FAAP100: variants seen among roughly 807,000 people sequenced by gnomAD.
FAAP100 encodes FA core complex associated protein 100.
In FAAP100, 46 loss-of-function variants were observed where a neutral mutation model predicts 65.8. The ratio of observed to expected loss-of-function variants is 0.70; its 90% CI spans 0.55 to 0.89. FAAP100 has a LOEUF of 0.89. FAAP100 is among the 40% of genes least tolerant of loss of function. The probability of loss-of-function intolerance (pLI) is 0.00; values close to 1 mark genes in which losing one functional copy is unlikely to be tolerated. For synonymous variants in FAAP100, 663 were observed against 555.1 expected (o/e 1.19, Z -2.73); for missense variants, 1,165 against 1,196.7 (o/e 0.97, Z 0.39).
chr17:81,543,513 G>A (rs2033191951), intron 7 of FAAP100, among the ~76,000 whole-genome samples: 1 of 152,162 alleles, frequency 6.6e-6, no homozygotes, highest in Non-Finnish European at 1.5e-5. Flanking sequence ...TCTGGGCACA[G>A]CATGGAAGCA....
intron 6 of FAAP100, among the ~76,000 whole-genome samples, chr17:81,544,814 A>T (rs1215955145): frequency 6.6e-6 from 1 of 152,214 alleles, no homozygotes; most frequent in Non-Finnish European, 1.5e-5. Context: ...CCCCAGCATC[A>T]GGGCTGAAAG....
At chr17:81,543,588 G>T (rs1370512885) in intron 7 of FAAP100, among the ~76,000 whole-genome samples, 1 of 152,136 alleles carries the variant, frequency 6.6e-6, no homozygotes, top group Non-Finnish European at 1.5e-5. Context: ...CCACTCTCTT[G>T]GCAAAGATGT....
rs768272307 is a variant in FAAP100 at position 81,547,301 on chromosome 17, A to G, written c.1781T>C (p.Leu594Pro). 8 of 1,612,074 alleles carry G rather than the reference A, an allele frequency of 5.0e-6. No homozygotes were observed. The highest frequency in any genetic ancestry group is 1.1e-5 in the South Asian group (1 of 91,016). Residue 594 changes from leucine to proline, a missense_variant, in exon 5 of 9, where the codon CTG becomes CCG. Leu to Pro is a moderately conservative substitution (Grantham distance 98). Transcript: ENST00000327787. ...LGPGENGGLDLPVTVSCTLFY... is the reference protein window; with the variant it reads ...LGPGENGGLDPPVTVSCTLFY... ...CAGCGTGCAGGACACGGTCACGGGC[A>G]GGTCGAGCCCGCCGTTCTCACCAGG...
rs113231059 is a variant in FAAP100 at position 81,551,101 on chromosome 17, G to A, written c.393C>T (p.Cys131=). 2,517 of 1,560,170 alleles carry A rather than the reference G, an allele frequency of 1.6e-3. 16 individuals carry two copies. In the African/African-American group the frequency reaches 0.018, roughly 11 times the overall value. Residue 131 remains cysteine (C), a synonymous_variant, in exon 3 of 9, where the codon TGC becomes TGT. Coordinates refer to ENST00000327787, the MANE Select transcript of FAAP100 (RefSeq NM_025161.6). ...DACILPDAAL[C]AFTLLDSVLV... is the part of the protein sequence containing the mutation. ...GCACACTGTCCAGCAAGGTGAACGC[G>A]CACAGCGCAGCATCGGGAAGGATGC...
intron 4 of FAAP100, 168 bp from the exon 5 acceptor site, chr17:81,547,846 G>T (rs762281764): frequency 1.1e-6 from 1 of 881,072 alleles, no homozygotes; most frequent in Non-Finnish European, 1.8e-6. Flanking sequence ...TGTTTCTCCC[G>T]GCCCCACCCA....
In FAAP100 at chr17:81,550,759, G is replaced by T. The variant is rs576019204; in HGVS notation, c.735C>A (p.Leu245=). Reference sequence around the variant, plus strand: ...TCACACAGCAGAGCTGGCCATCAGGGAGACCACAGAGGACCACAGGTGACT... The same window carrying T: ...TCACACAGCAGAGCTGGCCATCAGGTAGACCACAGAGGACCACAGGTGACT... ...LLQSPVVLCG[L]PDGQLCCVIL... Residue 245 remains leucine (L), a synonymous_variant, in exon 3 of 9, where the codon CTC becomes CTA. Transcript: ENST00000327787. 3 of 1,612,248 alleles carry T rather than the reference G, an allele frequency of 1.9e-6. No individual in the cohort carries two copies. The highest frequency in any genetic ancestry group is 2.5e-6 in the Non-Finnish European group (3 of 1,179,610).
At chr17:81,551,860 C>A (rs1319082262) in intron 2 of FAAP100, 68 bp downstream of exon 2, 1 of 1,445,356 alleles carries the variant, frequency 6.9e-7, no homozygotes, top group East Asian at 2.9e-5. Context: ...TGAGGTGGGG[C>A]TGCTCGCTCT....
chr17:81,545,976 G>A, intron 5 of FAAP100, 94 bp from the exon 6 acceptor site: 3 of 1,452,064 alleles, frequency 2.1e-6, no homozygotes. Flanking sequence ...CTGCCCCAAA[G>A]TGCCCTTCCC....
intron 6 of FAAP100, among the ~76,000 whole-genome samples, chr17:81,544,724 T>C (rs1488865212): frequency 2.0e-5 from 3 of 152,152 alleles, no homozygotes; most frequent in African/African-American, 7.2e-5. Context: ...GCCAGGGGCC[T>C]GGGGAGCCCA....
At chr17:81,543,878 TG>T in intron 7 of FAAP100, 125 bp downstream of exon 7, 1 of 872,288 alleles carries the variant, frequency 1.1e-6, no homozygotes, top group Non-Finnish European at 1.8e-6. Flanking sequence ...AGAGCAGACT[TG>T]GATCTTCCTA....
chr17:81,547,249 G>A lies in FAAP100; in HGVS notation c.1833C>T (p.Gly611=), dbSNP rs201869841. 4.3e-5 allele frequency: 69 copies of A among 1,593,002 alleles called. 1 individual carries two copies. The highest frequency in any genetic ancestry group is 8.0e-5 in the African/African-American group (6 of 74,614). ...TLFYSLREVV[G]GALAPSDSED... is the part of the protein sequence containing the mutation. ...CAGAGTCTGAGGGGGCAAGGGCCCC[G>A]CCCACCACCTCCCTGAGACTGTAGA... Residue 611 remains glycine, a synonymous_variant, in exon 5 of 9, where the codon GGC becomes GGT. Transcript: ENST00000327787.
rs866123813 is a variant in FAAP100, at chr17:81,552,195, C to T, written c.136G>A (p.Val46Met). Reference sequence around the variant, plus strand: ...AGCAGCCCGCCCTCCTGGTCGTACACGTAGACGAGCTCGCTCCCGGTGGAC... The same window carrying T: ...AGCAGCCCGCCCTCCTGGTCGTACATGTAGACGAGCTCGCTCCCGGTGGAC... ...FLSTGSELVY[V>M]YDQEGGLLTA... The change falls in exon 1 of 9, where the codon GTG becomes ATG. Residue 46 changes from valine (V) to methionine (M), a missense_variant. Coordinates refer to ENST00000327787, the MANE Select transcript of FAAP100 (RefSeq NM_025161.6). 1.3e-6 allele frequency: 2 copies of T among 1,500,100 alleles called. No homozygotes were observed. The highest frequency in any genetic ancestry group is 1.5e-5 in the African/African-American group (1 of 68,868). The allele number at this position is 1,500,100 out of a possible 1,614,324, so 92.9% of individuals were successfully genotyped here.
chr17:81,549,102 G>A lies in FAAP100; in HGVS notation c.1403+104C>T, dbSNP rs992451733. The A allele has an allele frequency of 2.4e-5, 29 of 1,185,884 alleles. 1 individual carries two copies. The Middle Eastern group carries it at 6.5e-4, about 27-fold the overall frequency. The allele number at this position is 1,185,884 out of a possible 1,614,324, so 73.5% of individuals were successfully genotyped here. A position where few individuals can be genotyped will look rare whatever the true frequency, so the allele number is the denominator to read the frequency against. The stretch of plus-strand genomic sequence containing the variant: ...GCCAAGTAATGGCCTGGCCTGGACC[G>A]TTGCCACCCGAGGACACTCACACCC... On this transcript the variant is annotated intron_variant, in intron 4 of 8. Transcript: ENST00000327787.
intron 5 of FAAP100, among the ~76,000 whole-genome samples, chr17:81,546,222 G>A (rs1417268449): frequency 6.6e-6 from 1 of 152,246 alleles, no homozygotes. Flanking sequence ...AAACACCCCA[G>A]GGGATGGCTG....
At position 81,541,479 on chromosome 17, in the gene FAAP100, C is replaced by T. The variant is rs1369876296; in HGVS notation, c.2428-84G>A. 5.6e-6 allele frequency: 7 copies of T among 1,256,298 alleles called. No homozygotes were observed. The African/African-American group carries it at 8.8e-5, about 16-fold the overall frequency. The allele number at this position is 1,256,298 out of a possible 1,614,324, so 77.8% of individuals were successfully genotyped here. Reference sequence around the variant, plus strand: ...CTTGGAGCAGGGTGACCCTCTCCCTCGAGCTGCCTGGTGCTGCCTCCCTGC... The same window carrying T: ...CTTGGAGCAGGGTGACCCTCTCCCTTGAGCTGCCTGGTGCTGCCTCCCTGC... On this transcript the variant is annotated intron_variant, in intron 7 of 8. Transcript: ENST00000327787.
In FAAP100 at chr17:81,541,580, G is replaced by A. The variant is rs912372602; in HGVS notation, c.2428-185C>T. 5.9e-5 allele frequency among the ~76,000 whole-genome samples: 9 copies of A among 152,342 alleles called. No homozygotes were observed. In the South Asian group the frequency reaches 8.3e-4, roughly 14 times the overall value. Reference sequence around the variant, plus strand: ...ATCTCGACTTCCTGCCCTCCAGAGCGGCAGGGCACAGAGCCCCTGGCCTGA... The same window carrying A: ...ATCTCGACTTCCTGCCCTCCAGAGCAGCAGGGCACAGAGCCCCTGGCCTGA... On this transcript the variant is annotated intron_variant, in intron 7 of 8. Transcript: ENST00000327787.
At position 81,552,000 on chromosome 17, in the gene FAAP100, C is replaced by A. The variant is rs868637659; in HGVS notation, c.218G>T (p.Arg73Leu). Residue 73 changes from arginine to leucine, a missense_variant, in exon 2 of 9, where the codon CGC (arginine) becomes CTC (leucine). Coordinates refer to ENST00000327787, the MANE Select transcript of FAAP100 (RefSeq NM_025161.6). Reference sequence around the variant, plus strand: ...GGCGCACAGCGCGTACAGCAACCTGCGCGGCGCCAGCAGCTCCAGGTGCCA... The same window carrying A: ...GGCGCACAGCGCGTACAGCAACCTGAGCGGCGCCAGCAGCTCCAGGTGCCA... ...QVWHLELLAP[R>L]RLLYALCARR... is the part of the protein sequence containing the mutation. 2.6e-6 allele frequency: 4 copies of A among 1,564,942 alleles called. No individual in the cohort carries two copies. Among genetic ancestry groups the A allele is most frequent in the Non-Finnish European group, 1.7e-6 (2 of 1,165,068 alleles).
chr17:81,545,862 T>G lies in FAAP100; in HGVS notation c.2194A>C (p.Thr732Pro). 1 of 1,608,952 alleles carries G rather than the reference T, an allele frequency of 6.2e-7. No homozygotes were observed. Among genetic ancestry groups the G allele is most frequent in the East Asian group, 2.2e-5 (1 of 44,868 alleles). Reference sequence around the variant, plus strand: ...TTCTCAGCAAGGAGCCACTGCAGGGTGGCACAGCACAGGGGCACGCCTGGA... The same window carrying G: ...TTCTCAGCAAGGAGCCACTGCAGGGGGGCACAGCACAGGGGCACGCCTGGA... ...GHSGVPLCCATLQWLLAENAA... is the reference protein window; with the variant it reads ...GHSGVPLCCAPLQWLLAENAA... The change falls in exon 6 of 9, where the codon ACC (threonine) becomes CCC (proline). Residue 732 changes from threonine (T) to proline (P), a missense_variant. Physicochemically the swap from Thr to Pro is conservative, Grantham distance 38 (BLOSUM62 -1). Transcript: ENST00000327787.
At chr17:81,549,430 G>A (rs1050557999) in intron 3 of FAAP100, 68 bp from the exon 4 acceptor site, 4 of 1,534,990 alleles carry the variant, frequency 2.6e-6, no homozygotes, top group Middle Eastern at 4.5e-4. Flanking sequence ...ACTCGGTGGT[G>A]TTTCCCTGGA....
Sources: allele counts gnomAD v4.1 joint callset (sites outside exome capture counted in the v4.1 genomes callset), GRCh38; gene constraint gnomAD v4.1.1; transcripts MANE v1.5; gene names NCBI Gene and HGNC (gene_info 2026-07-23, HGNC 2026-07-21).